Variants in FYN observed in about 807,000 individuals in gnomAD.
FYN encodes the protein tyrosine-protein kinase Fyn.
Under a neutral mutation model 70.2 loss-of-function variants are expected in FYN, and 10 were observed. The observed-to-expected ratio is 0.14, with a 90% CI of 0.09 to 0.24. FYN has a LOEUF of 0.24. Ranked by LOEUF, FYN falls within the 10% of genes least tolerant of loss-of-function variation. The probability of loss-of-function intolerance (pLI) is 1.00; values close to 1 mark genes in which losing one functional copy is unlikely to be tolerated. For missense variants in FYN, 319 were observed against 673.1 expected, an observed-to-expected ratio of 0.47 and a Z score of 5.82; for synonymous variants, 236 against 248.6, an observed-to-expected ratio of 0.95 and a Z score of 0.48.
chr6:111,722,821 T>C (rs1450957726), intron 3 of FYN, among the ~76,000 whole-genome samples: 3 of 152,212 alleles, frequency 2.0e-5, no homozygotes, highest in African/African-American at 4.8e-5. Flanking sequence ...CAAATGTTAA[T>C]AGTGTCAAGG....
chr6:111,826,781 G>A (rs1772847706), intron 2 of FYN, among the ~76,000 whole-genome samples: 2 of 152,118 alleles, frequency 1.3e-5, no homozygotes, highest in African/African-American at 4.8e-5. Context: ...GCTAAAATAA[G>A]TGACCTTGTT....
At chr6:111,853,302 G>A (rs1034294161) in intron 1 of FYN, among the ~76,000 whole-genome samples, 2 of 151,472 alleles carry the variant, frequency 1.3e-5, no homozygotes, top group Non-Finnish European at 1.5e-5. Flanking sequence ...ATCATATTTG[G>A]AACATAGAGA....
At chr6:111,764,228 A>AAG (rs1554286119) in intron 3 of FYN, among the ~76,000 whole-genome samples, 1 of 134,842 alleles carries the variant, frequency 7.4e-6, no homozygotes, top group African/African-American at 3.2e-5. Context: ...AAAAAAAAAA[A>AAG]AAAAGAAAAG....
chr6:111,702,046 T>C lies in FYN; in HGVS notation c.697+839A>G, dbSNP rs77834471. ...GTCTTGCCTTTGTCCTGGAGAACAATAGAAAATGGAGAAATGGGTCACACA... is the reference window on the plus strand; with the variant it reads ...GTCTTGCCTTTGTCCTGGAGAACAACAGAAAATGGAGAAATGGGTCACACA... On this transcript the variant is annotated intron_variant, in intron 8 of 13. Transcript: ENST00000354650. 4.6e-5 allele frequency among the ~76,000 whole-genome samples: 7 copies of C among 152,194 alleles called. No individual in the cohort carries two copies. In the East Asian group the frequency reaches 1.2e-3, roughly 25 times the overall value.
At chr6:111,742,061 T>A (rs1802000858) in intron 3 of FYN, among the ~76,000 whole-genome samples, 1 of 152,156 alleles carries the variant, frequency 6.6e-6, no homozygotes, top group African/African-American at 2.4e-5. Context: ...TTCCAGAAGT[T>A]CCAACTGAAA....
At chr6:111,683,517 C>A (rs1024469460) in intron 12 of FYN, among the ~76,000 whole-genome samples, 1 of 152,136 alleles carries the variant, frequency 6.6e-6, no homozygotes, top group Non-Finnish European at 1.5e-5. Context: ...ATAAAAGAAG[C>A]CAAATCCTTC....
In FYN at chr6:111,784,006, G is replaced by T. The variant is rs1477706027; in HGVS notation, c.-81-3371C>A. Among the ~76,000 whole-genome samples the T allele has an allele frequency of 3.9e-5, 6 of 152,326 alleles. No individual in the cohort carries two copies. The East Asian group carries it at 1.2e-3, about 29-fold the overall frequency. On this transcript the variant is annotated intron_variant, in intron 2 of 13. Transcript: ENST00000354650. ...TTCCTACTGCCAGTGATTGGTTTAA[G>T]AATAAGCATGTGGCCCAATTTAAGC...
At chr6:111,738,681 T>A (rs1359820156) in intron 3 of FYN, among the ~76,000 whole-genome samples, 1 of 152,150 alleles carries the variant, frequency 6.6e-6, no homozygotes, top group East Asian at 1.9e-4. Context: ...GGCATTGGCA[T>A]CATCCTCATT....
At chr6:111,687,605 GGTGT>G (rs367956399) in intron 12 of FYN, among the ~76,000 whole-genome samples, 39 of 143,332 alleles carry the variant, frequency 2.7e-4, no homozygotes, top group South Asian at 8.7e-4. Context: ...GGGGTGGGTG[GGTGT>G]GTGTGTGTGT....
intron 2 of FYN, among the ~76,000 whole-genome samples, chr6:111,810,844 C>G (rs924823728): frequency 6.6e-6 from 1 of 152,198 alleles, no homozygotes; most frequent in African/African-American, 2.4e-5. Context: ...CTTACACTCG[C>G]GCTTTGCTAA....
intron 13 of FYN, among the ~76,000 whole-genome samples, chr6:111,663,634 G>A (rs1362072779): frequency 6.6e-6 from 1 of 152,174 alleles, no homozygotes; most frequent in East Asian, 1.9e-4. Context: ...GGCCTTCAAT[G>A]CAATTATTGT....
intron 1 of FYN, among the ~76,000 whole-genome samples, chr6:111,872,425 G>T (rs1486149836): frequency 6.6e-6 from 1 of 151,480 alleles, no homozygotes; most frequent in African/African-American, 2.4e-5. Flanking sequence ...GGCACAGGAA[G>T]AGTGAAGGGG....
At chr6:111,786,204 C>T (rs1291956335) in intron 2 of FYN, among the ~76,000 whole-genome samples, 1 of 152,036 alleles carries the variant, frequency 6.6e-6, no homozygotes, top group Admixed American at 6.5e-5. Flanking sequence ...TGCTATCCCT[C>T]TCTCCTCCCC....
intron 13 of FYN, among the ~76,000 whole-genome samples, chr6:111,672,476 T>C (rs1798328154): frequency 2.0e-5 from 3 of 152,238 alleles, no homozygotes. Flanking sequence ...TGTGGATACC[T>C]GGATCAGGTG....
At chr6:111,803,525 T>A (rs1407404295) in intron 2 of FYN, among the ~76,000 whole-genome samples, 1 of 152,208 alleles carries the variant, frequency 6.6e-6, no homozygotes, top group Non-Finnish European at 1.5e-5. Context: ...TAGTTTCACA[T>A]TCTGTTTCAT....
At position 111,661,784 on chromosome 6, in the gene FYN, G is replaced by A. The variant is rs772538313; in HGVS notation, c.1569C>T (p.Tyr523=). ...GGTACTGGGGCTCTGTCGCGGTAAA[G>A]TAGTCTTCCAGGAAGCTCTGCAAGT... is the stretch of plus-strand genomic sequence containing the variant. ...FEYLQSFLED[Y]FTATEPQYQP... is the part of the protein sequence containing the mutation. Residue 523 remains tyrosine (Y), a synonymous_variant, in exon 14 of 14, where the codon TAC becomes TAT. Coordinates refer to ENST00000354650, the MANE Select transcript of FYN (RefSeq NM_002037.5). This position sits in a 1 kb window ranked among gnomAD's most constrained non-coding sequence, Gnocchi z 4.0. 8 of 1,614,220 alleles carry A rather than the reference G, an allele frequency of 5.0e-6. No individual in the cohort carries two copies. Among genetic ancestry groups the A allele is most frequent in the Non-Finnish European group, 5.1e-6 (6 of 1,180,044 alleles).
intron 3 of FYN, among the ~76,000 whole-genome samples, chr6:111,746,599 T>C (rs1802233380): frequency 2.6e-5 from 4 of 152,218 alleles, no homozygotes; most frequent in Admixed American, 2.0e-4. Context: ...CACTACTTAG[T>C]AGCTTTTTAA....
intron 5 of FYN, among the ~76,000 whole-genome samples, chr6:111,711,474 G>C (rs1250740668): frequency 1.3e-5 from 2 of 152,234 alleles, no homozygotes; most frequent in Non-Finnish European, 2.9e-5. Flanking sequence ...ATGACACTGA[G>C]CACTTACAAC....
At chr6:111,777,326 T>C (rs1308352258) in intron 3 of FYN, among the ~76,000 whole-genome samples, 1 of 152,258 alleles carries the variant, frequency 6.6e-6, no homozygotes, top group African/African-American at 2.4e-5. Context: ...TTTAGCTGTA[T>C]ATTTACATAA....
Sources: allele counts gnomAD v4.1 joint callset (sites outside exome capture counted in the v4.1 genomes callset), GRCh38; gene constraint gnomAD v4.1.1; non-coding constraint Gnocchi (gnomAD v3.1); transcripts MANE v1.5; gene names NCBI Gene and HGNC (gene_info 2026-07-23, HGNC 2026-07-21).